PCARE: variants seen among roughly 807,000 people sequenced by gnomAD.
PCARE encodes photoreceptor cilium actin regulator.
In PCARE, 72 loss-of-function variants were observed where a neutral mutation model predicts 82.2. The observed-to-expected ratio is 0.88, with a 90% CI of 0.72 to 1.07. The LOEUF (loss-of-function observed/expected upper bound fraction) is 1.07, where lower values mean the gene tolerates loss of function less well. PCARE is among the 50% of genes least tolerant of loss of function. The pLI, the probability that PCARE is intolerant of heterozygous loss-of-function variation, is 0.00. For synonymous variants in PCARE, 705 were observed against 634.8 expected (o/e 1.11, Z -1.66); for missense variants, 1,768 against 1,592.4 (o/e 1.11, Z -1.88).
At chr2:29,065,148 C>A in intron 1 of PCARE, 81 bp from the exon 2 acceptor site, 1 of 1,436,740 alleles carries the variant, frequency 7.0e-7, no homozygotes, top group Non-Finnish European at 9.5e-7. Context: ...CTCCATTCTC[C>A]CTTTCTGTCC....
chr2:29,072,194 G>A lies in PCARE; in HGVS notation c.2068C>T (p.Pro690Ser), dbSNP rs546743700. 26 of 1,614,138 alleles carry A rather than the reference G, an allele frequency of 1.6e-5. No homozygotes were observed. Among genetic ancestry groups the A allele is most frequent in the South Asian group, 2.2e-5 (2 of 91,088 alleles). Residue 690 changes from proline to serine, a missense_variant, in exon 1 of 2, where the codon CCC becomes TCC. Coordinates refer to ENST00000331664, the MANE Select transcript of PCARE (RefSeq NM_001029883.3). ...QDKSILQKCN[P>S]HPEDEQGKAG... ...TTGCCTTGTTCGTCCTCAGGATGGG[G>A]ATTGCATTTCTGCAAGATGCTCTTG... is the stretch of plus-strand genomic sequence containing the variant.
chr2:29,072,555 C>T lies in PCARE; in HGVS notation c.1707G>A (p.Glu569=). The T allele has an allele frequency of 6.2e-7, 1 of 1,603,440 alleles. No homozygotes were observed. The highest frequency in any genetic ancestry group is 8.5e-7 in the Non-Finnish European group (1 of 1,176,006). ...CGHQDWSEEE[E]GRTVVPPRPS... ...GTCTTGGGGGGACCACTGTCCTCCC[C>T]TCCTCCTCCTCAGACCAGTCCTGGT... is the stretch of plus-strand genomic sequence containing the variant. Residue 569 remains glutamate, a synonymous_variant, in exon 1 of 2, where the codon GAG becomes GAA. Coordinates refer to ENST00000331664, the MANE Select transcript of PCARE (RefSeq NM_001029883.3).
In PCARE at chr2:29,071,516, G is replaced by A; in HGVS notation, c.2746C>T (p.Gln916Ter). The change falls in exon 1 of 2, where the codon CAG (glutamine) becomes TAG (stop). Residue 916 changes from glutamine to a stop codon, truncating the protein, a stop_gained. Transcript: ENST00000331664. LOFTEE classifies it high-confidence loss of function. ...AGGTCCAGGGCTGGCTTCCTGGGCT[G>A]GCAGCTGCTCCTGCCACTCCCTGGC... The part of the protein sequence containing the change: ...TGPGSGRSSC[Q>*]PRKPALDLSS... 4 of 1,608,566 alleles carry A rather than the reference G, an allele frequency of 2.5e-6. No homozygotes were observed. The highest frequency in any genetic ancestry group is 3.4e-6 in the Non-Finnish European group (4 of 1,179,828).
chr2:29,066,837 G>A (rs35904647), intron 1 of PCARE, among the ~76,000 whole-genome samples: 24,800 of 152,262 alleles, frequency 0.16, 2,460 homozygotes, highest in Middle Eastern at 0.29. Flanking sequence ...CAGGCCAGGT[G>A]AAGACTGAAA....
chr2:29,073,624 T>A lies in PCARE; in HGVS notation c.638A>T (p.Glu213Val). Reference protein sequence around the residue: ...CIIHQATQTRELLQPMVSFLL... With the variant: ...CIIHQATQTRVLLQPMVSFLL... ...GAAGCTGACCATGGGCTGCAGCAGCTCCCGGGTCTGGGTGGCCTGATGGAT... is the reference window on the plus strand; with the variant it reads ...GAAGCTGACCATGGGCTGCAGCAGCACCCGGGTCTGGGTGGCCTGATGGAT... The change falls in exon 1 of 2, where the codon GAG becomes GTG. Residue 213 changes from glutamate (E) to valine (V), a missense_variant. By Grantham distance (121) the Glu-to-Val change is moderately radical. Coordinates refer to ENST00000331664, the MANE Select transcript of PCARE (RefSeq NM_001029883.3). The A allele has an allele frequency of 1.9e-6, 3 of 1,614,142 alleles. No homozygotes were observed. The highest frequency in any genetic ancestry group is 2.5e-6 in the Non-Finnish European group (3 of 1,180,026).
In PCARE at chr2:29,072,301, G is replaced by A; in HGVS notation, c.1961C>T (p.Thr654Ile). 1.9e-6 allele frequency: 3 copies of A among 1,614,204 alleles called. No homozygotes were observed. The highest frequency in any genetic ancestry group is 2.5e-6 in the Non-Finnish European group (3 of 1,180,038). Reference sequence around the variant, plus strand: ...GGTGTTGCTTGGACTGACCCTGCAGGTGCCATTGGGCCACACGGCGGCTGC... The same window carrying A: ...GGTGTTGCTTGGACTGACCCTGCAGATGCCATTGGGCCACACGGCGGCTGC... ...PRAAAVWPNG[T>I]CRVSPSNTTS... The change falls in exon 1 of 2, where the codon ACC (threonine) becomes ATC (isoleucine). Residue 654 changes from threonine to isoleucine, a missense_variant. By Grantham distance (89) the Thr-to-Ile change is moderately conservative (BLOSUM62 -1). Transcript: ENST00000331664.
chr2:29,063,156 G>A lies in PCARE; in HGVS notation c.*1713C>T, dbSNP rs1031066055. The A allele has an allele frequency of 6.6e-6, 1 of 152,432 alleles. No homozygotes were observed. Among genetic ancestry groups the A allele is most frequent in the Non-Finnish European group, 1.5e-5 (1 of 68,212 alleles). The allele number at this position is 152,432 out of a possible 1,614,324, so 9.4% of individuals were successfully genotyped here. A position where few individuals can be genotyped will look rare whatever the true frequency, so the allele number is the denominator to read the frequency against. ...TTTGCTGAACCTGGTCCATCCTCAC[G>A]TGCTTACCTTGGCCCCTGCCCTGCC... On this transcript the variant is annotated 3_prime_UTR_variant, in exon 2 of 2. Coordinates refer to ENST00000331664, the MANE Select transcript of PCARE (RefSeq NM_001029883.3).
At position 29,071,311 on chromosome 2, in the gene PCARE, C is replaced by A. The variant is rs367888126; in HGVS notation, c.2951G>T (p.Arg984Leu). Reference protein sequence around the residue: ...ESSLARPRQSRERSPPVGRKA... With the variant: ...ESSLARPRQSLERSPPVGRKA... The stretch of plus-strand genomic sequence containing the variant: ...TCTGCCCACAGGGGGGCTTCTCTCT[C>A]GGCTCTGCCTTGGTCTGGCCAGGCT... The change falls in exon 1 of 2, where the codon CGA becomes CTA. Residue 984 changes from arginine to leucine, a missense_variant. Arg to Leu is a moderately radical substitution (Grantham distance 102). Coordinates refer to ENST00000331664, the MANE Select transcript of PCARE (RefSeq NM_001029883.3). 6.2e-7 allele frequency: 1 copy of A among 1,613,450 alleles called. No individual in the cohort carries two copies. The highest frequency in any genetic ancestry group is 2.2e-5 in the East Asian group (1 of 44,880).
chr2:29,067,200 C>G lies in PCARE; in HGVS notation c.3669-2133G>C, dbSNP rs137875138. On this transcript the variant is annotated intron_variant, in intron 1 of 1. Coordinates refer to ENST00000331664, the MANE Select transcript of PCARE (RefSeq NM_001029883.3). ...TGGGGAAACAGCCCGTTCTGAGCAGCCTCTGGCTTCCTGGCACTGGCTTGT... is the reference window on the plus strand; with the variant it reads ...TGGGGAAACAGCCCGTTCTGAGCAGGCTCTGGCTTCCTGGCACTGGCTTGT... Among the ~76,000 whole-genome samples, 1,360 of 152,312 alleles carry G rather than the reference C, an allele frequency of 8.9e-3. 20 individuals carry two copies. Among genetic ancestry groups the G allele is most frequent in the African/African-American group, 0.031 (1,298 of 41,560 alleles).
intron 1 of PCARE, among the ~76,000 whole-genome samples, chr2:29,070,108 A>G (rs1667446509): frequency 6.6e-6 from 1 of 151,776 alleles, no homozygotes; most frequent in Non-Finnish European, 1.5e-5. Context: ...TTTTTGAGAT[A>G]TATATATATA....
chr2:29,067,684 A>G (rs1251868399), intron 1 of PCARE, among the ~76,000 whole-genome samples: 1 of 152,186 alleles, frequency 6.6e-6, no homozygotes, highest in Non-Finnish European at 1.5e-5. Flanking sequence ...AGCTGGGACT[A>G]CAGGTGCGTG....
At position 29,072,767 on chromosome 2, in the gene PCARE, T is replaced by C. The variant is rs1173164701; in HGVS notation, c.1495A>G (p.Ser499Gly). 6.2e-7 allele frequency: 1 copy of C among 1,614,136 alleles called. No individual in the cohort carries two copies. Among genetic ancestry groups the C allele is most frequent in the Non-Finnish European group, 8.5e-7 (1 of 1,180,036 alleles). Residue 499 changes from serine to glycine, a missense_variant, in exon 1 of 2, where the codon AGC becomes GGC. Transcript: ENST00000331664. ...PEEEEEDKMS[S>G]MSLCAWQEKT... The stretch of plus-strand genomic sequence containing the variant: ...TCCTGCCAGGCACACAGACTCATGC[T>C]GCTCATTTTGTCTTCCTCCTCCTCC...
rs200968546 is a variant in PCARE, at chr2:29,070,737, C to A, written c.3525G>T (p.Ser1175=). 3 of 1,613,960 alleles carry A rather than the reference C, an allele frequency of 1.9e-6. No individual in the cohort carries two copies. The highest frequency in any genetic ancestry group is 2.5e-6 in the Non-Finnish European group (3 of 1,180,040). ...NSSGPWLRAD[S]QRRAALCALN... ...GGGCACACAGAGCTGCTCTCCGCTG[C>A]GAGTCTGCTCTCAGCCAAGGCCCTG... Residue 1175 remains serine, a synonymous_variant, in exon 1 of 2, where the codon TCG becomes TCT. Transcript: ENST00000331664.
chr2:29,070,689 C>T lies in PCARE; in HGVS notation c.3573G>A (p.Arg1191=), dbSNP rs1572825580. Residue 1191 remains arginine, a synonymous_variant, in exon 1 of 2, where the codon AGG becomes AGA. Coordinates refer to ENST00000331664, the MANE Select transcript of PCARE (RefSeq NM_001029883.3). The part of the protein sequence containing the change: ...LCALNPLPFL[R]RTASDRQPGG... ...CTGGCTGGCGGTCAGAAGCTGTCCT[C>T]CTGAGGAAAGGCAGAGGGTTGAGGG... The T allele has an allele frequency of 1.9e-6, 3 of 1,614,090 alleles. No homozygotes were observed. In the Admixed American group the frequency reaches 5.0e-5, roughly 27 times the overall value.
chr2:29,069,778 T>G (rs769533018), intron 1 of PCARE, among the ~76,000 whole-genome samples: 9 of 152,206 alleles, frequency 5.9e-5, no homozygotes, highest in Non-Finnish European at 1.2e-4. Context: ...ATAATAAATA[T>G]TTTACATATT....
chr2:29,072,134 C>T lies in PCARE; in HGVS notation c.2128G>A (p.Glu710Lys). 6.2e-7 allele frequency: 1 copy of T among 1,614,258 alleles called. No individual in the cohort carries two copies. Among genetic ancestry groups the T allele is most frequent in the Non-Finnish European group, 8.5e-7 (1 of 1,180,046 alleles). ...GTGGCCTTGGCAGCCTCACTGACCT[C>T]TCCTGATGGGATGGCATTTGGAAGC... ...GKLPNAIPSGEVSEAAKATDW... is the reference protein window; with the variant it reads ...GKLPNAIPSGKVSEAAKATDW... Residue 710 changes from glutamate to lysine, a missense_variant, in exon 1 of 2, where the codon GAG (glutamate) becomes AAG (lysine). By Grantham distance (56) the Glu-to-Lys change is moderately conservative (BLOSUM62 1). Transcript: ENST00000331664.
chr2:29,064,709 A>T lies in PCARE; in HGVS notation c.*160T>A. Reference sequence around the variant, plus strand: ...CTGGGACTGAAAACGGCGATTGTTTAAAATTCAGCAGACCCACTGGGCAGT... The same window carrying T: ...CTGGGACTGAAAACGGCGATTGTTTTAAATTCAGCAGACCCACTGGGCAGT... On this transcript the variant is annotated 3_prime_UTR_variant, in exon 2 of 2. Transcript: ENST00000331664. 1.1e-6 allele frequency: 1 copy of T among 905,186 alleles called. No individual in the cohort carries two copies. The highest frequency in any genetic ancestry group is 1.7e-6 in the Non-Finnish European group (1 of 591,988). The allele number at this position is 905,186 out of a possible 1,614,324, so 56.1% of individuals were successfully genotyped here. A position where few individuals can be genotyped will look rare whatever the true frequency, so the allele number is the denominator to read the frequency against.
rs750479813 is a variant in PCARE, at chr2:29,072,216, C to G, written c.2046G>C (p.Lys682Asn). The G allele has an allele frequency of 1.9e-6, 3 of 1,614,114 alleles. No individual in the cohort carries two copies. Among genetic ancestry groups the G allele is most frequent in the African/African-American group, 1.3e-5 (1 of 74,932 alleles). ...KNFSILPSQD[K>N]SILQKCNPHP... The stretch of plus-strand genomic sequence containing the variant: ...GGGGATTGCATTTCTGCAAGATGCT[C>G]TTGTCCTGACTAGGCAAAATACTGA... Residue 682 changes from lysine to asparagine, a missense_variant, in exon 1 of 2, where the codon AAG (lysine) becomes AAC (asparagine). Lys to Asn is a moderately conservative substitution (Grantham distance 94). Transcript: ENST00000331664.
Position 29,064,874 on chromosome 2 carries a change from A to G in PCARE, c.3862T>C (p.Ser1288Pro). The change falls in exon 2 of 2, where the codon TCC becomes CCC. Residue 1288 changes from serine to proline, a missense_variant. Ser to Pro is a moderately conservative substitution (Grantham distance 74). Transcript: ENST00000331664. ...GTGGCCCCCTCGTCAGCCTGTCAGG[A>G]CACCTCCTCTTGCTGGGGCTGCGCC... Reference protein sequence around the residue: ...PEAQPQQEEVS With the variant: ...PEAQPQQEEVP 6.2e-7 allele frequency: 1 copy of G among 1,611,190 alleles called. No individual in the cohort carries two copies. Among genetic ancestry groups the G allele is most frequent in the Non-Finnish European group, 8.5e-7 (1 of 1,179,908 alleles).
Sources: gnomAD v4.1 joint callset for allele counts (sites outside exome capture counted in the v4.1 genomes callset) on GRCh38, gnomAD v4.1.1 for gene constraint, MANE v1.5 for transcripts, NCBI Gene and HGNC (gene_info 2026-07-23, HGNC 2026-07-21) for gene names.